CHODL: variants seen among roughly 807,000 people sequenced by gnomAD.
The protein encoded by CHODL is chondrolectin.
A neutral mutation model predicts 34.5 loss-of-function variants in CHODL; 29 were observed. The ratio of observed to expected loss-of-function variants is 0.84; its 90% CI spans 0.63 to 1.15. The LOEUF is 1.15. Ranked by LOEUF, CHODL falls within the 50% of genes most tolerant of loss-of-function variation. CHODL has a pLI of 0.00. For synonymous variants in CHODL, 125 were observed against 116.1 expected (o/e 1.08, Z -0.49); for missense variants, 332 against 332.5 (o/e 1.00, Z 0.01).
At chr21:18,150,214 A>G (rs1038380545) in intron 2 of CHODL, among the ~76,000 whole-genome samples, 1 of 152,162 alleles carries the variant, frequency 6.6e-6, no homozygotes, top group African/African-American at 2.4e-5. Flanking sequence ...TGGAGACCAA[A>G]GTTCTTATTG....
rs190812651 is a variant in CHODL at position 18,192,688 on chromosome 21, G to A, written c.-44-63821G>A. On this transcript the variant is annotated intron_variant, in intron 2 of 6. Transcript: ENST00000400127. ...TTTTGTTTGTATTGCTTTGGCTAAA[G>A]GTTTTAGTAGCTTTATTATTCAACA... is the stretch of plus-strand genomic sequence containing the variant. 3.8e-4 allele frequency among the ~76,000 whole-genome samples: 58 copies of A among 151,982 alleles called. 1 individual carries two copies. Among genetic ancestry groups the A allele is most frequent in the African/African-American group, 1.4e-3 (57 of 41,474 alleles).
chr21:17,977,159 T>G, intron 1 of CHODL, among the ~76,000 whole-genome samples: 1 of 152,122 alleles, frequency 6.6e-6, no homozygotes, highest in East Asian at 1.9e-4. Context: ...GTTAATATTC[T>G]TCCCATTTAT....
At chr21:18,083,343 G>T (rs939717656) in intron 2 of CHODL, among the ~76,000 whole-genome samples, 2 of 152,244 alleles carry the variant, frequency 1.3e-5, no homozygotes, top group African/African-American at 2.4e-5. Context: ...TACTGCAGGG[G>T]TAGAACCTTC....
chr21:18,260,399 A>G, intron 4 of CHODL, 113 bp downstream of exon 4: 1 of 625,874 alleles, frequency 1.6e-6, no homozygotes, highest in Non-Finnish European at 2.8e-6. Flanking sequence ...TTCACTAAGT[A>G]TGGTCCTATG....
intron 2 of CHODL, among the ~76,000 whole-genome samples, chr21:18,151,543 C>T (rs1043184993): frequency 3.3e-5 from 5 of 152,192 alleles, no homozygotes; most frequent in African/African-American, 9.7e-5. Context: ...ATGTGAGACA[C>T]TTTAGCAATT....
chr21:18,242,622 C>T (rs1384071357), upstream of CHODL, among the ~76,000 whole-genome samples: 1 of 151,796 alleles, frequency 6.6e-6, no homozygotes. Context: ...CCTTAAAAAA[C>T]ATCATATCTA....
chr21:17,996,680 G>C (rs1193987736), intron 1 of CHODL, among the ~76,000 whole-genome samples: 1 of 152,174 alleles, frequency 6.6e-6, no homozygotes. Flanking sequence ...GGGGCTAAGT[G>C]TTTGGATTTT....
chr21:18,265,464 C>A (rs2074447619), intron 5 of CHODL, among the ~76,000 whole-genome samples: 1 of 151,830 alleles, frequency 6.6e-6, no homozygotes, highest in Admixed American at 6.6e-5. Flanking sequence ...CAAGTGGGAG[C>A]TAAGCTATGA....
intron 1 of CHODL, among the ~76,000 whole-genome samples, chr21:17,927,302 G>A (rs1432501578): frequency 1.3e-5 from 2 of 151,770 alleles, no homozygotes; most frequent in African/African-American, 2.4e-5. Flanking sequence ...CTGCCCACAC[G>A]TATAGAATGG....
At chr21:18,112,278 TA>T (rs374807305) in intron 2 of CHODL, among the ~76,000 whole-genome samples, 25 of 152,096 alleles carry the variant, frequency 1.6e-4, no homozygotes, top group Middle Eastern at 3.4e-3. Flanking sequence ...ACCAAAAAAT[TA>T]AAAAATATTC....
chr21:18,120,237 CAG>C (rs146641090), intron 2 of CHODL, among the ~76,000 whole-genome samples: 3,580 of 152,230 alleles, frequency 0.024, 112 homozygotes, highest in East Asian at 0.11. Flanking sequence ...TGTGCAGACA[CAG>C]AGTTAAATCA....
chr21:18,236,234 T>A (rs2074027713), intron 2 of CHODL, among the ~76,000 whole-genome samples: 1 of 152,082 alleles, frequency 6.6e-6, no homozygotes, highest in Admixed American at 6.6e-5. Context: ...AAGCCCCTTA[T>A]AAAACCATTA....
At chr21:17,992,525 C>G (rs2063805523) in intron 1 of CHODL, among the ~76,000 whole-genome samples, 2 of 152,028 alleles carry the variant, frequency 1.3e-5, no homozygotes, top group African/African-American at 4.8e-5. Context: ...ATTTCACCTC[C>G]TTGTTGAAAC....
chr21:17,927,104 G>GTATGTATA lies in CHODL; in HGVS notation c.-145+9724_-145+9731dup, dbSNP rs1271489436. Among the ~76,000 whole-genome samples, 467 of 137,498 alleles carry GTATGTATA rather than the reference G, an allele frequency of 3.4e-3. 8 individuals carry two copies. The highest frequency in any genetic ancestry group is 0.033 in the Middle Eastern group (9 of 270). The allele number at this position is 137,498 out of a possible 152,430, so 90.2% of individuals were successfully genotyped here. A position where few individuals can be genotyped will look rare whatever the true frequency, so the allele number is the denominator to read the frequency against. ...TGTGTGTATGTATGTATATCTGTGT[G>GTATGTATA]TATGTATATATGTATATATGTATAT... is the stretch of plus-strand genomic sequence containing the variant. On this transcript the variant is annotated intron_variant, in intron 1 of 6. Coordinates refer to the CHODL transcript ENST00000400127.
chr21:18,078,118 C>T (rs914457727), intron 2 of CHODL, among the ~76,000 whole-genome samples: 31 of 152,156 alleles, frequency 2.0e-4, no homozygotes, highest in African/African-American at 3.1e-4. Flanking sequence ...ATTTGTAAAA[C>T]GGTGTATTAG....
intron 2 of CHODL, among the ~76,000 whole-genome samples, chr21:18,123,958 G>A (rs895750484): frequency 1.2e-4 from 18 of 152,182 alleles, no homozygotes; most frequent in South Asian, 2.1e-4. Context: ...CGAGGCGGGC[G>A]GATCATCTGA....
intron 2 of CHODL, among the ~76,000 whole-genome samples, chr21:18,078,131 T>G (rs1226335165): frequency 6.6e-6 from 1 of 152,144 alleles, no homozygotes; most frequent in African/African-American, 2.4e-5. Flanking sequence ...TGTATTAGTC[T>G]GTTCTCATGC....
chr21:18,203,615 C>T (rs1204477951), intron 2 of CHODL, among the ~76,000 whole-genome samples: 1 of 152,090 alleles, frequency 6.6e-6, no homozygotes, highest in Non-Finnish European at 1.5e-5. Flanking sequence ...TTTTTCACCA[C>T]AAGAGTATTT....
chr21:18,089,682 C>T lies in CHODL; in HGVS notation c.-45+61711C>T, dbSNP rs549737562. ...CTGCTTCAAGACTACAGATTGAGCTCATGAGGTGCATATCTTTTCTTTCTG... is the reference window on the plus strand; with the variant it reads ...CTGCTTCAAGACTACAGATTGAGCTTATGAGGTGCATATCTTTTCTTTCTG... On this transcript the variant is annotated intron_variant, in intron 2 of 6. Coordinates refer to the CHODL transcript ENST00000400127. Among the ~76,000 whole-genome samples, 15 of 152,228 alleles carry T rather than the reference C, an allele frequency of 9.9e-5. No individual in the cohort carries two copies. The East Asian group carries it at 2.9e-3, about 29-fold the overall frequency.
Sources: gnomAD v4.1 joint callset for allele counts (sites outside exome capture counted in the v4.1 genomes callset) on GRCh38, gnomAD v4.1.1 for gene constraint, MANE v1.5 for transcripts, NCBI Gene and HGNC (gene_info 2026-07-23, HGNC 2026-07-21) for gene names.